The following PCDHA4 variants were observed in gnomAD, a reference collection of about 807,000 sequenced individuals.
PCDHA4 encodes the protein protocadherin alpha-4.
PCDHA4 carries 49 observed loss-of-function variants against 61.4 expected under a neutral mutation model. The observed-to-expected ratio is 0.80, with a 90% CI of 0.63 to 1.01. The LOEUF is 1.01. PCDHA4 is among the 50% of genes least tolerant of loss of function. The pLI is 0.00. For missense variants in PCDHA4, 1,254 were observed against 1,235.8 expected, an observed-to-expected ratio of 1.01 and a Z score of -0.22; for synonymous variants, 590 against 550.3, an observed-to-expected ratio of 1.07 and a Z score of -1.01.
In PCDHA4 at chr5:140,883,674, C is replaced by A. The variant is rs782029001; in HGVS notation, c.2385+74102C>A. The A allele has an allele frequency of 4.3e-5, 70 of 1,613,620 alleles. No homozygotes were observed. The highest frequency in any genetic ancestry group is 5.8e-5 in the Non-Finnish European group (69 of 1,179,878). On this transcript the variant is annotated intron_variant, in intron 1 of 3. Transcript: ENST00000530339. ...ACGGTGTTCGTGAAGGAAAACAATC[C>A]GCCGGGCTGCCACATCTTCACGGTG...
At chr5:140,979,150 C>T (rs1470916466) in intron 2 of PCDHA4, 143 bp downstream of exon 2, 4 of 1,435,458 alleles carry the variant, frequency 2.8e-6, no homozygotes, top group Middle Eastern at 3.7e-4. Context: ...ATTTTGTCCC[C>T]ATGTTTATTC....
At position 140,807,355 on chromosome 5, in the gene PCDHA4, G is replaced by C; in HGVS notation, c.168G>C (p.Leu56=). ...TCGCGCAGGACCTGGGACTGGAGCT[G>C]GCGGAGCTGGTGCCGCGCCTGTTCC... ...GRIAQDLGLE[L]AELVPRLFRV... The change falls in exon 1 of 4, where the codon CTG becomes CTC. Residue 56 remains leucine, a synonymous_variant. Transcript: ENST00000530339. 1.9e-6 allele frequency: 3 copies of C among 1,610,796 alleles called. No homozygotes were observed. The highest frequency in any genetic ancestry group is 2.5e-6 in the Non-Finnish European group (3 of 1,179,296).
chr5:140,968,553 G>C (rs782583876), intron 1 of PCDHA4: 4 of 1,614,132 alleles, frequency 2.5e-6, no homozygotes, highest in South Asian at 1.1e-5. Context: ...ATGGTGCCTC[G>C]AACTGCCCCT....
At chr5:140,850,694 G>C in intron 1 of PCDHA4, 2 of 1,598,344 alleles carry the variant, frequency 1.3e-6, no homozygotes, top group Non-Finnish European at 1.7e-6. Context: ...GCGAGTGCGC[G>C]CCTGGCAAGC....
chr5:140,821,024 G>T (rs1377305789), intron 1 of PCDHA4, among the ~76,000 whole-genome samples: 4 of 151,932 alleles, frequency 2.6e-5, no homozygotes, highest in Non-Finnish European at 4.4e-5. Flanking sequence ...TTGAAAATTA[G>T]AACTCCGAGA....
At chr5:140,821,861 A>G (rs2150111284) in intron 1 of PCDHA4, 2 of 1,614,204 alleles carry the variant, frequency 1.2e-6, no homozygotes, top group South Asian at 2.2e-5. Context: ...GGGAGCGGCC[A>G]GCTCCACTAC....
chr5:140,977,925 A>T (rs782072280), intron 1 of PCDHA4, among the ~76,000 whole-genome samples: 4 of 152,152 alleles, frequency 2.6e-5, no homozygotes, highest in African/African-American at 7.2e-5. Context: ...TTTTCATTCA[A>T]CTATACCTCA....
intron 1 of PCDHA4, chr5:140,967,383 T>A: frequency 6.2e-7 from 1 of 1,608,702 alleles, no homozygotes; most frequent in Non-Finnish European, 8.5e-7. Flanking sequence ...AACAGTAAAG[T>A]GCTTGAGCTG....
chr5:140,846,051 C>T lies in PCDHA4; in HGVS notation c.2385+36479C>T, dbSNP rs2150384133. Among the ~76,000 whole-genome samples the T allele has an allele frequency of 2.0e-5, 3 of 149,742 alleles. No individual in the cohort carries two copies. In the South Asian group the frequency reaches 6.3e-4, roughly 32 times the overall value. ...TTTAGGAAAGTCAAGTTAACACCAC[C>T]TATGTGGGAAAACAGTTTTTTGGAA... On this transcript the variant is annotated intron_variant, in intron 1 of 3. Coordinates refer to ENST00000530339, the MANE Select transcript of PCDHA4 (RefSeq NM_018907.4).
intron 1 of PCDHA4, chr5:140,842,796 A>T (rs2150344571): frequency 6.3e-7 from 1 of 1,594,198 alleles, no homozygotes. Flanking sequence ...CTGGTGTCCT[A>T]CTCGCTTGTG....
intron 1 of PCDHA4, chr5:140,835,273 C>T: frequency 6.2e-7 from 1 of 1,610,738 alleles, no homozygotes; most frequent in South Asian, 1.1e-5. Flanking sequence ...CACATGGACC[C>T]CTTAAGTGGG....
intron 1 of PCDHA4, among the ~76,000 whole-genome samples, chr5:140,908,777 TCTC>T (rs2074149319): frequency 6.6e-6 from 1 of 152,144 alleles, no homozygotes; most frequent in African/African-American, 2.4e-5. Flanking sequence ...TGTAGAGTCT[TCTC>T]CTGTTCTGTA....
At chr5:140,862,555 G>A (rs926436647) in intron 1 of PCDHA4, 1 of 467,658 alleles carries the variant, frequency 2.1e-6, no homozygotes, top group South Asian at 1.7e-5. Flanking sequence ...TGGCCGAACA[G>A]TGAACCACAA....
intron 1 of PCDHA4, chr5:140,929,129 C>A (rs1206531954): frequency 6.2e-7 from 1 of 1,614,052 alleles, no homozygotes; most frequent in East Asian, 2.2e-5. Context: ...GATGTCACTA[C>A]AGTTGAGAGA....
intron 1 of PCDHA4, among the ~76,000 whole-genome samples, chr5:140,955,489 A>G (rs1554221953): frequency 1.3e-5 from 2 of 152,114 alleles, no homozygotes; most frequent in Non-Finnish European, 2.9e-5. Context: ...CCTTCCTGCC[A>G]CCATGTGAAG....
intron 1 of PCDHA4, among the ~76,000 whole-genome samples, chr5:140,930,708 C>T (rs1554208021): frequency 2.0e-5 from 3 of 152,088 alleles, no homozygotes; most frequent in Admixed American, 2.0e-4. Flanking sequence ...AGTTATTCTT[C>T]CTCAAGTAAT....
chr5:140,829,366 A>G (rs17853691), intron 1 of PCDHA4: 1 of 1,614,210 alleles, frequency 6.2e-7, no homozygotes. Context: ...AGTTGGTGGT[A>G]ACCGCGCGGG....
Position 140,994,911 on chromosome 5 carries a change from A to G in PCDHA4, c.2533+12348A>G, listed in dbSNP as rs527704488. Among the ~76,000 whole-genome samples, 14 of 152,340 alleles carry G rather than the reference A, an allele frequency of 9.2e-5. No homozygotes were observed. The East Asian group carries it at 1.7e-3, about 19-fold the overall frequency. On this transcript the variant is annotated intron_variant, in intron 3 of 3. Transcript: ENST00000530339. ...AAATGAGATCAGAAATGTAGACTGGAATCAGATTTTGTAGGACCTTAAACA... is the reference window on the plus strand; with the variant it reads ...AAATGAGATCAGAAATGTAGACTGGGATCAGATTTTGTAGGACCTTAAACA...
intron 1 of PCDHA4, among the ~76,000 whole-genome samples, chr5:140,947,689 G>A (rs1276078725): frequency 2.0e-5 from 3 of 151,490 alleles, no homozygotes; most frequent in African/African-American, 4.8e-5. Context: ...GTCTCAGCAT[G>A]TTCTGTAGTT....
Sources: allele counts gnomAD v4.1 joint callset (sites outside exome capture counted in the v4.1 genomes callset), GRCh38; gene constraint gnomAD v4.1.1; transcripts MANE v1.5; gene names NCBI Gene and HGNC (gene_info 2026-07-23, HGNC 2026-07-21).